Variants in PID1 observed in about 807,000 individuals in gnomAD.
PID1 encodes phosphotyrosine interaction domain containing 1, also known as PTB-containing, cubilin and LRP1-interacting protein.
Under a neutral mutation model 19.1 loss-of-function variants are expected in PID1, and 10 were observed. That is an observed-to-expected ratio of 0.52 (90% CI 0.32 to 0.89). The LOEUF (loss-of-function observed/expected upper bound fraction) is 0.89, where lower values mean the gene tolerates loss of function less well. Ranked by LOEUF, PID1 falls within the 40% of genes least tolerant of loss-of-function variation. The pLI is 0.03. For synonymous variants in PID1, 130 were observed against 116.0 expected (o/e 1.12, Z -0.78); for missense variants, 248 against 285.3 (o/e 0.87, Z 0.94).
At chr2:229,087,448 C>T (rs920607021) in intron 2 of PID1, among the ~76,000 whole-genome samples, 4 of 152,122 alleles carry the variant, frequency 2.6e-5, no homozygotes, top group African/African-American at 7.2e-5. Flanking sequence ...GACTGGCAGC[C>T]GCATAAGAGG....
At chr2:229,259,425 G>A (rs1489821259) in intron 1 of PID1, among the ~76,000 whole-genome samples, 1 of 152,072 alleles carries the variant, frequency 6.6e-6, no homozygotes, top group East Asian at 1.9e-4. Flanking sequence ...AGGAATCTCT[G>A]CCCAACCCAG....
intron 1 of PID1, among the ~76,000 whole-genome samples, chr2:229,170,753 G>A (rs149818234): frequency 2.6e-5 from 4 of 152,144 alleles, no homozygotes; most frequent in Non-Finnish European, 5.9e-5. Flanking sequence ...TTTGATGCAC[G>A]CACGCATGGG....
chr2:229,042,750 T>A (rs1490117519), intron 2 of PID1, among the ~76,000 whole-genome samples: 1 of 152,204 alleles, frequency 6.6e-6, no homozygotes, highest in Admixed American at 6.5e-5. Context: ...TAATTTTTAA[T>A]GACTAGTCCC....
At chr2:229,167,322 C>T (rs1690619384) in intron 1 of PID1, among the ~76,000 whole-genome samples, 1 of 152,100 alleles carries the variant, frequency 6.6e-6, no homozygotes, top group African/African-American at 2.4e-5. Context: ...CAAAACCTGG[C>T]AGACATTACC....
chr2:229,125,706 T>C (rs1410431905), intron 2 of PID1, among the ~76,000 whole-genome samples: 1 of 152,226 alleles, frequency 6.6e-6, no homozygotes, highest in African/African-American at 2.4e-5. Flanking sequence ...ACGGTTTTGC[T>C]GAAAATCTTC....
At chr2:229,215,500 A>G (rs1323431145) in intron 1 of PID1, among the ~76,000 whole-genome samples, 1 of 152,232 alleles carries the variant, frequency 6.6e-6, no homozygotes, top group Non-Finnish European at 1.5e-5. Context: ...TACTTAAAAT[A>G]CACTAGGTTG....
chr2:229,074,236 G>C (rs931475212), intron 2 of PID1, among the ~76,000 whole-genome samples: 4 of 152,046 alleles, frequency 2.6e-5, no homozygotes, highest in African/African-American at 9.7e-5. Context: ...TCTGTCAACA[G>C]ATACCCACTC....
At chr2:229,070,869 A>G (rs1227242040) in intron 2 of PID1, among the ~76,000 whole-genome samples, 1 of 152,240 alleles carries the variant, frequency 6.6e-6, no homozygotes, top group African/African-American at 2.4e-5. Flanking sequence ...TGGATAGAAG[A>G]CTTAAAAGTT....
intron 1 of PID1, among the ~76,000 whole-genome samples, chr2:229,164,541 C>T (rs1197288649): frequency 6.6e-6 from 1 of 152,152 alleles, no homozygotes; most frequent in Non-Finnish European, 1.5e-5. Flanking sequence ...TATCTTGTTG[C>T]ACTGAATACA....
intron 2 of PID1, among the ~76,000 whole-genome samples, chr2:229,098,342 A>G (rs1426287448): frequency 6.6e-6 from 1 of 152,208 alleles, no homozygotes; most frequent in Non-Finnish European, 1.5e-5. Context: ...AAGGAGGGGA[A>G]AGGAATATTA....
intron 2 of PID1, among the ~76,000 whole-genome samples, chr2:229,145,664 G>A (rs1690114809): frequency 6.6e-6 from 1 of 152,032 alleles, no homozygotes; most frequent in African/African-American, 2.4e-5. Flanking sequence ...TATGCTCTAA[G>A]CTTTACTCAA....
At chr2:229,039,837 ATCATTCTATAACAAAAC>A (rs1157048731) in intron 2 of PID1, among the ~76,000 whole-genome samples, 1 of 152,218 alleles carries the variant, frequency 6.6e-6, no homozygotes, top group African/African-American at 2.4e-5. Flanking sequence ...GAAGGGAACT[ATCATTCTATAACAAAAC>A]TCTATATGTC....
intron 2 of PID1, among the ~76,000 whole-genome samples, chr2:229,089,521 C>T (rs1243796525): frequency 1.3e-5 from 2 of 152,116 alleles, no homozygotes; most frequent in African/African-American, 2.4e-5. Flanking sequence ...CTTATTGTCA[C>T]ACTAATTAAG....
intron 1 of PID1, among the ~76,000 whole-genome samples, chr2:229,204,667 A>G (rs1043119828): frequency 6.6e-6 from 1 of 152,074 alleles, no homozygotes; most frequent in Non-Finnish European, 1.5e-5. Context: ...TGTATACTGT[A>G]CAACGGAATG....
chr2:229,163,638 GGA>G (rs138493662), intron 1 of PID1, among the ~76,000 whole-genome samples: 9,257 of 141,914 alleles, frequency 0.065, 507 homozygotes, highest in East Asian at 0.27. Flanking sequence ...AGAGACAGAG[GGA>G]GAGAGAGAGA....
chr2:229,156,745 C>T (rs1428129768), intron 1 of PID1, among the ~76,000 whole-genome samples: 2 of 152,132 alleles, frequency 1.3e-5, no homozygotes, highest in African/African-American at 2.4e-5. Context: ...TCAAACCCTC[C>T]CATGTCTTCC....
At chr2:229,193,189 A>G (rs1215969218) in intron 1 of PID1, among the ~76,000 whole-genome samples, 2 of 152,200 alleles carry the variant, frequency 1.3e-5, no homozygotes, top group South Asian at 2.1e-4. Flanking sequence ...CAGCTGGTGG[A>G]CAGGCCAGTT....
chr2:229,231,858 T>G (rs1430876947), intron 1 of PID1: 26 of 1,546,356 alleles, frequency 1.7e-5, no homozygotes, highest in Non-Finnish European at 2.2e-5. Context: ...TTAATCTGTT[T>G]GTGCTGCTAT....
At chr2:229,172,712 CATA>C (rs1690735142) in intron 1 of PID1, among the ~76,000 whole-genome samples, 1 of 152,030 alleles carries the variant, frequency 6.6e-6, no homozygotes, top group Non-Finnish European at 1.5e-5. Context: ...GGGACTTCAA[CATA>C]ATATTTTGTT....
Sources: gnomAD v4.1 joint callset for allele counts (sites outside exome capture counted in the v4.1 genomes callset) on GRCh38, gnomAD v4.1.1 for gene constraint, MANE v1.5 for transcripts, NCBI Gene and HGNC (gene_info 2026-07-23, HGNC 2026-07-21) for gene names.